Variants in HSPG2 observed in about 807,000 individuals in gnomAD.
The protein encoded by HSPG2 is basement membrane-specific heparan sulfate proteoglycan core protein.
A neutral mutation model predicts 526.6 loss-of-function variants in HSPG2; 278 were observed. The observed-to-expected ratio is 0.53, with a 90% confidence interval of 0.48 to 0.58. HSPG2 has a LOEUF of 0.58. Among genes scored for constraint, HSPG2 ranks in the 20% least tolerant of loss-of-function variants. HSPG2 has a pLI of 0.00. For missense variants in HSPG2, 5,354 were observed against 6,099.5 expected (o/e 0.88, Z 4.07); for synonymous variants, 2,465 against 2,555.4 (o/e 0.96, Z 1.07).
chr1:21,909,796 G>C (rs1278850952), intron 1 of HSPG2, among the ~76,000 whole-genome samples: 1 of 152,210 alleles, frequency 6.6e-6, no homozygotes, highest in Non-Finnish European at 1.5e-5. Context: ...GAGCAGGAGA[G>C]GGTGCCAAGA....
Position 21,838,825 on chromosome 1 carries a change from C to G in HSPG2, c.10150G>C (p.Gly3384Arg), listed in dbSNP as rs564401294. ...TCCACGCAGAGCCGGGGCTGCTTAC[C>G]TTGGACGAGCAGCTGGGCAAAGGCC... is the stretch of plus-strand genomic sequence containing the variant. ...AEAFAQLLVQ[G>R]PPGSLPATSI... Residue 3384 changes from glycine to arginine, a missense_variant and splice_region_variant, in exon 74 of 97, where the codon GGC becomes CGC. Transcript: ENST00000374695. 1 of 1,611,930 alleles carries G rather than the reference C, an allele frequency of 6.2e-7. No individual in the cohort carries two copies. The highest frequency in any genetic ancestry group is 1.1e-5 in the South Asian group (1 of 90,726).
At chr1:21,919,003 T>C (rs1303999095) in intron 1 of HSPG2, among the ~76,000 whole-genome samples, 1 of 152,196 alleles carries the variant, frequency 6.6e-6, no homozygotes, top group Non-Finnish European at 1.5e-5. Context: ...CTACAGGCCA[T>C]GTCAGTAGAG....
Position 21,834,718 on chromosome 1 carries a change from C to T in HSPG2, c.10681G>A (p.Ala3561Thr), listed in dbSNP as rs764834568. The change falls in exon 77 of 97, where the codon GCT becomes ACT. Residue 3561 changes from alanine to threonine, a missense_variant. Physicochemically the swap from Ala to Thr is moderately conservative, Grantham distance 58 (BLOSUM62 0). Coordinates refer to ENST00000374695, the MANE Select transcript of HSPG2 (RefSeq NM_005529.7). ...GQYRCTATNA[A>T]GTTQSHVLLL... ...AGGACGTGGGATTGTGTGGTGCCAG[C>T]TGCGTTGGTGGCAGTGCAGCGATAC... 1.2e-6 allele frequency: 2 copies of T among 1,614,222 alleles called. No individual in the cohort carries two copies. Among genetic ancestry groups the T allele is most frequent in the South Asian group, 2.2e-5 (2 of 91,086 alleles).
In HSPG2 at chr1:21,855,268, T is replaced by C. The variant is rs367988925; in HGVS notation, c.5997+36A>G. 2.2e-4 allele frequency: 354 copies of C among 1,584,318 alleles called. 7 individuals are homozygous for C. The South Asian group carries it at 3.8e-3, about 17-fold the overall frequency. On this transcript the variant is annotated intron_variant, in intron 47 of 96. Coordinates refer to ENST00000374695, the MANE Select transcript of HSPG2 (RefSeq NM_005529.7). Reference sequence around the variant, plus strand: ...TGGCTGGGACTCTCTGCAGAGCCTGTGGGCCTCCTCCTCCTGGGTGGGCCC... The same window carrying C: ...TGGCTGGGACTCTCTGCAGAGCCTGCGGGCCTCCTCCTCCTGGGTGGGCCC...
chr1:21,924,584 A>G (rs985975035), intron 1 of HSPG2, among the ~76,000 whole-genome samples: 1 of 152,070 alleles, frequency 6.6e-6, no homozygotes, highest in Non-Finnish European at 1.5e-5. Context: ...CCATCTTGTG[A>G]GTAGGAAAAC....
chr1:21,857,445 A>AC (rs1639431273), intron 42 of HSPG2, 60 bp from the exon 43 acceptor site: 1 of 1,464,212 alleles, frequency 6.8e-7, no homozygotes, highest in Non-Finnish European at 9.5e-7. Context: ...TCCTGTGGCC[A>AC]CTTTGTCTTT....
chr1:21,844,395 G>A, intron 64 of HSPG2, 96 bp from the exon 65 acceptor site: 1 of 1,344,018 alleles, frequency 7.4e-7, no homozygotes, highest in African/African-American at 1.4e-5. Flanking sequence ...AGGCCATTTG[G>A]GACATGGCTT....
At chr1:21,908,361 A>C in intron 1 of HSPG2, 2 of 1,087,512 alleles carry the variant, frequency 1.8e-6, no homozygotes, top group East Asian at 4.8e-5. Context: ...TTGCCAAGAG[A>C]ATTAATGTGC....
In HSPG2 at chr1:21,824,761, C is replaced by T; in HGVS notation, c.12608G>A (p.Gly4203Glu). The change falls in exon 92 of 97, where the codon GGA becomes GAA. Residue 4203 changes from glycine to glutamate, a missense_variant. Physicochemically the swap from Gly to Glu is moderately conservative, Grantham distance 98. Transcript: ENST00000374695. This position sits in a 1 kb window ranked among gnomAD's most constrained non-coding sequence, Gnocchi z 5.9. The part of the protein sequence containing the change: ...SGGNDAPGQY[G>E]AYFHDDGFLA... ...GAAGCCATCATCGTGGAAATAGGCT[C>T]CGTACTGCCCAGGGGCATCTGTGGG... 1 of 1,613,136 alleles carries T rather than the reference C, an allele frequency of 6.2e-7. No homozygotes were observed. The highest frequency in any genetic ancestry group is 8.5e-7 in the Non-Finnish European group (1 of 1,179,676).
At chr1:21,842,504 G>A (rs2152706649) in intron 67 of HSPG2, 124 bp from the exon 68 acceptor site, 1 of 1,174,224 alleles carries the variant, frequency 8.5e-7, no homozygotes, top group Non-Finnish European at 1.2e-6. Context: ...TGGTAGGGCT[G>A]GTGGAAGCTT....
Position 21,890,205 on chromosome 1 carries a change from G to A in HSPG2, c.414-64C>T. The A allele has an allele frequency of 3.8e-6, 6 of 1,591,356 alleles. No homozygotes were observed. Among genetic ancestry groups the A allele is most frequent in the Non-Finnish European group, 5.2e-6 (6 of 1,161,284 alleles). ...ACACCTGTGTTCTCAGCTCCTCCAT[G>A]AGGCTCCCGCCCCGACGCTCAGGCC... is the stretch of plus-strand genomic sequence containing the variant. On this transcript the variant is annotated intron_variant, in intron 5 of 96. Coordinates refer to ENST00000374695, the MANE Select transcript of HSPG2 (RefSeq NM_005529.7). The surrounding 1 kb of genome is among the most constrained non-coding windows in gnomAD (Gnocchi z 4.1).
chr1:21,880,017 G>C (rs1641374461), intron 17 of HSPG2, 90 bp downstream of exon 17: 1 of 1,453,684 alleles, frequency 6.9e-7, no homozygotes, highest in African/African-American at 1.4e-5. Context: ...AGTCATTCTG[G>C]AGGCTTGTGC....
chr1:21,908,191 C>G, intron 1 of HSPG2: 1 of 856,192 alleles, frequency 1.2e-6, no homozygotes, highest in Non-Finnish European at 2.0e-6. Context: ...CACGTATATG[C>G]GAATCTATAA....
intron 17 of HSPG2, among the ~76,000 whole-genome samples, chr1:21,879,587 C>T (rs1244923325): frequency 6.6e-6 from 1 of 152,214 alleles, no homozygotes; most frequent in Non-Finnish European, 1.5e-5. Context: ...TTGGCACTCT[C>T]CAGGATTAGT....
At position 21,887,162 on chromosome 1, in the gene HSPG2, G is replaced by A. The variant is rs888889327; in HGVS notation, c.1078+53C>T. On this transcript the variant is annotated intron_variant, in intron 9 of 96. Transcript: ENST00000374695. The surrounding 1 kb of genome is among the most constrained non-coding windows in gnomAD (Gnocchi z 5.0). ...GGCAGGAGTGGAAGGCGGGGCAGGA[G>A]CAAGCGGCCTGGGCAGGGCAAGGGG... 1.2e-6 allele frequency: 2 copies of A among 1,607,816 alleles called. No homozygotes were observed. Among genetic ancestry groups the A allele is most frequent in the African/African-American group, 2.7e-5 (2 of 74,736 alleles).
chr1:21,845,503 C>T (rs910770008), intron 64 of HSPG2, among the ~76,000 whole-genome samples: 1 of 152,014 alleles, frequency 6.6e-6, no homozygotes, highest in Non-Finnish European at 1.5e-5. Flanking sequence ...TTCAGCCTCT[C>T]GAGTAGTTAG....
In HSPG2 at chr1:21,828,838, G is replaced by A. The variant is rs1466867746; in HGVS notation, c.12234C>T (p.Gly4078=). Residue 4078 remains glycine, a synonymous_variant, in exon 88 of 97, where the codon GGC becomes GGT. Coordinates refer to ENST00000374695, the MANE Select transcript of HSPG2 (RefSeq NM_005529.7). This position sits in a 1 kb window ranked among gnomAD's most constrained non-coding sequence, Gnocchi z 6.0. The part of the protein sequence containing the change: ...NMSAHFRGCV[G]EVSVNGKRLD... ...GTCCCGAGGAGGCTGCTCTTACCTC[G>A]CCCACACAGCCGCGGAAGTGAGCGC... 3.9e-6 allele frequency: 6 copies of A among 1,550,292 alleles called. No homozygotes were observed. The highest frequency in any genetic ancestry group is 3.6e-5 in the South Asian group (3 of 84,052).
intron 1 of HSPG2, among the ~76,000 whole-genome samples, chr1:21,927,263 G>T (rs1047187251): frequency 2.6e-5 from 4 of 151,656 alleles, no homozygotes; most frequent in African/African-American, 9.8e-5. Context: ...TGACCCGCCT[G>T]ATGGGGAGGG....
At chr1:21,846,695 A>G (rs1638466633) in intron 62 of HSPG2, 96 bp from the exon 63 acceptor site, 13 of 1,379,238 alleles carry the variant, frequency 9.4e-6, no homozygotes, top group African/African-American at 1.4e-5. Flanking sequence ...CACCCCCCAG[A>G]GTAACACTAA....
Sources: gnomAD v4.1 joint callset for allele counts (sites outside exome capture counted in the v4.1 genomes callset) on GRCh38, gnomAD v4.1.1 for gene constraint, Gnocchi (gnomAD v3.1) non-coding constraint, MANE v1.5 for transcripts, NCBI Gene and HGNC (gene_info 2026-07-23, HGNC 2026-07-21) for gene names.